CAMK1D: variants seen among roughly 807,000 people sequenced by gnomAD.
The protein encoded by CAMK1D is calcium/calmodulin dependent protein kinase ID, also known as calcium/calmodulin-dependent protein kinase type 1D.
CAMK1D carries 9 observed loss-of-function variants against 47.7 expected under a neutral mutation model. The ratio of observed to expected loss-of-function variants is 0.19; its 90% CI spans 0.11 to 0.33. CAMK1D has a LOEUF of 0.33. Among genes scored for constraint, CAMK1D ranks in the 10% least tolerant of loss-of-function variants. The pLI is 1.00. For missense variants in CAMK1D, 291 were observed against 488.7 expected (o/e 0.60, Z 3.81); for synonymous variants, 184 against 184.9 (o/e 0.99, Z 0.04).
chr10:12,749,436 A>T (rs1423351940), intron 3 of CAMK1D, among the ~76,000 whole-genome samples: 1 of 117,404 alleles, frequency 8.5e-6, no homozygotes, highest in African/African-American at 3.6e-5. Flanking sequence ...TGTAGGTGCT[A>T]GAAAGTTAAA....
rs576847524 is a variant in CAMK1D, at chr10:12,410,440, G to A, written c.92+60530G>A. On this transcript the variant is annotated intron_variant, in intron 1 of 10. Coordinates refer to ENST00000619168, the MANE Select transcript of CAMK1D (RefSeq NM_153498.4). ...AGTTCGCCCCCTACCTCCTGAAGGT[G>A]TTGACAGGAAAAGCTAGCCTCGGCC... 1.3e-3 allele frequency among the ~76,000 whole-genome samples: 199 copies of A among 152,328 alleles called. 1 individual carries two copies. The highest frequency in any genetic ancestry group is 4.1e-3 in the African/African-American group (171 of 41,574).
intron 3 of CAMK1D, among the ~76,000 whole-genome samples, chr10:12,734,524 A>ATG (rs1835088274): frequency 2.0e-5 from 3 of 146,454 alleles, no homozygotes; most frequent in Admixed American, 6.9e-5. Context: ...ATATACACGT[A>ATG]TATATATACA....
chr10:12,473,318 C>T (rs1564360842), intron 1 of CAMK1D, among the ~76,000 whole-genome samples: 1 of 152,086 alleles, frequency 6.6e-6, no homozygotes, highest in East Asian at 1.9e-4. Flanking sequence ...GATGTAATTC[C>T]AGCTACTCGG....
intron 3 of CAMK1D, among the ~76,000 whole-genome samples, chr10:12,689,014 G>A (rs1832767917): frequency 6.6e-6 from 1 of 152,212 alleles, no homozygotes; most frequent in Non-Finnish European, 1.5e-5. Flanking sequence ...AGGTGATTCA[G>A]GCTTCTGAGG....
intron 1 of CAMK1D, among the ~76,000 whole-genome samples, chr10:12,352,751 T>G (rs1837389687): frequency 7.2e-6 from 1 of 138,364 alleles, no homozygotes; most frequent in Non-Finnish European, 1.6e-5. Flanking sequence ...TTTTTTTTTT[T>G]TTTGAGACGG....
chr10:12,710,718 A>AGGGG (rs1833905877), intron 3 of CAMK1D, among the ~76,000 whole-genome samples: 1 of 152,158 alleles, frequency 6.6e-6, no homozygotes, highest in Non-Finnish European at 1.5e-5. Context: ...CCCAGGCAAG[A>AGGGG]GGGGGAGTGT....
intron 1 of CAMK1D, among the ~76,000 whole-genome samples, chr10:12,538,108 C>T (rs561792134): frequency 4.9e-4 from 75 of 152,206 alleles, no homozygotes; most frequent in African/African-American, 1.8e-3. Context: ...CTGTGAGGCC[C>T]GTGGAAAGGG....
At chr10:12,600,639 T>C (rs911490040) in intron 2 of CAMK1D, among the ~76,000 whole-genome samples, 1 of 152,252 alleles carries the variant, frequency 6.6e-6, no homozygotes, top group African/African-American at 2.4e-5. Flanking sequence ...GTTTGTTTTG[T>C]ATCAATTTAA....
chr10:12,424,542 C>G (rs1361654727), intron 1 of CAMK1D, among the ~76,000 whole-genome samples: 1 of 152,212 alleles, frequency 6.6e-6, no homozygotes, highest in Non-Finnish European at 1.5e-5. Flanking sequence ...CCAGCAGCGC[C>G]TTTGCTGGTC....
intron 1 of CAMK1D, among the ~76,000 whole-genome samples, chr10:12,421,313 G>C (rs1414892447): frequency 6.6e-6 from 1 of 151,998 alleles, no homozygotes; most frequent in Non-Finnish European, 1.5e-5. Flanking sequence ...GGTTAATACC[G>C]GCGGTCACAG....
chr10:12,591,971 C>T (rs187381357), intron 2 of CAMK1D, among the ~76,000 whole-genome samples: 12 of 152,306 alleles, frequency 7.9e-5, no homozygotes, highest in Non-Finnish European at 5.9e-5. Flanking sequence ...GGATTACAGG[C>T]GTGAGCCACC....
At chr10:12,391,642 C>A (rs937949338) in intron 1 of CAMK1D, among the ~76,000 whole-genome samples, 2 of 152,216 alleles carry the variant, frequency 1.3e-5, no homozygotes, top group Non-Finnish European at 2.9e-5. Flanking sequence ...AAACAAAACA[C>A]CCTAGTCGGT....
chr10:12,363,724 A>G (rs1837752947), intron 1 of CAMK1D, among the ~76,000 whole-genome samples: 1 of 140,042 alleles, frequency 7.1e-6, no homozygotes, highest in African/African-American at 2.7e-5. Flanking sequence ...GCTGGAGTGC[A>G]GTGGCACGAT....
At chr10:12,486,349 G>C (rs1156268706) in intron 1 of CAMK1D, among the ~76,000 whole-genome samples, 1 of 152,090 alleles carries the variant, frequency 6.6e-6, no homozygotes, top group Non-Finnish European at 1.5e-5. Context: ...TAGTAGAGAT[G>C]GGGTTTCACT....
At position 12,832,268 on chromosome 10, in the gene CAMK1D, C is replaced by A. The variant is rs1833430890; in HGVS notation, c.*3381C>A. 6.6e-6 allele frequency: 1 copy of A among 152,270 alleles called. No individual in the cohort carries two copies. Among genetic ancestry groups the A allele is most frequent in the South Asian group, 2.1e-4 (1 of 4,830 alleles). 9.4% of individuals were successfully genotyped at this position (152,270 alleles called of 1,614,324 possible). ...AAACAGTGAGCGGGCACCAACAGGC[C>A]AGCAGCTTGGCCCTTTTCACAGAGG... On this transcript the variant is annotated 3_prime_UTR_variant, in exon 11 of 11. Transcript: ENST00000619168.
At chr10:12,530,714 A>G (rs954617915) in intron 1 of CAMK1D, among the ~76,000 whole-genome samples, 1 of 151,946 alleles carries the variant, frequency 6.6e-6, no homozygotes, top group Non-Finnish European at 1.5e-5. Context: ...ACTTTTTCAG[A>G]CCCCTTCCTT....
At chr10:12,662,435 C>T (rs984073984) in intron 2 of CAMK1D, among the ~76,000 whole-genome samples, 1 of 152,146 alleles carries the variant, frequency 6.6e-6, no homozygotes, top group African/African-American at 2.4e-5. Flanking sequence ...GGGCGGATCA[C>T]GAGGTCAGGG....
intron 1 of CAMK1D, among the ~76,000 whole-genome samples, chr10:12,488,950 T>G (rs1392732331): frequency 6.6e-6 from 1 of 152,162 alleles, no homozygotes; most frequent in Admixed American, 6.5e-5. Context: ...TGTATTTATT[T>G]TTTGACATGG....
chr10:12,824,711 G>A (rs1316247859), intron 9 of CAMK1D, among the ~76,000 whole-genome samples, 159 bp downstream of exon 9: 1 of 152,216 alleles, frequency 6.6e-6, no homozygotes, highest in Non-Finnish European at 1.5e-5. Flanking sequence ...TGGTGTAAGA[G>A]GGATGGAGTG....
Sources: allele counts gnomAD v4.1 joint callset (sites outside exome capture counted in the v4.1 genomes callset), GRCh38; gene constraint gnomAD v4.1.1; transcripts MANE v1.5; gene names NCBI Gene and HGNC (gene_info 2026-07-23, HGNC 2026-07-21).